The following CPA6 variants were observed in gnomAD, a reference collection of about 807,000 sequenced individuals.
CPA6 encodes carboxypeptidase A6, also known as carboxypeptidase B.
Under a neutral mutation model 63.3 loss-of-function variants are expected in CPA6, and 58 were observed. The ratio of observed to expected loss-of-function variants is 0.92; its 90% CI spans 0.74 to 1.14. CPA6 has a LOEUF of 1.14. Ranked by LOEUF, CPA6 falls within the 50% of genes most tolerant of loss-of-function variation. The probability of loss-of-function intolerance (pLI) is 0.00; values close to 1 mark genes in which losing one functional copy is unlikely to be tolerated. For synonymous variants in CPA6, 185 were observed against 179.0 expected, an observed-to-expected ratio of 1.03 and a Z score of -0.27; for missense variants, 565 against 526.6, an observed-to-expected ratio of 1.07 and a Z score of -0.71.
At chr8:67,683,530 G>T (rs1168501261) in intron 1 of CPA6, among the ~76,000 whole-genome samples, 1 of 152,008 alleles carries the variant, frequency 6.6e-6, no homozygotes, top group African/African-American at 2.4e-5. Flanking sequence ...TGACATACAA[G>T]ATCCTCTACA....
At chr8:67,606,376 AT>A (rs1814638587) in intron 2 of CPA6, among the ~76,000 whole-genome samples, 1 of 152,142 alleles carries the variant, frequency 6.6e-6, no homozygotes, top group Non-Finnish European at 1.5e-5. Flanking sequence ...AAAGAATTCC[AT>A]TTTTGATGAC....
At chr8:67,469,968 T>G (rs1031929004) in intron 8 of CPA6, among the ~76,000 whole-genome samples, 2 of 152,122 alleles carry the variant, frequency 1.3e-5, no homozygotes, top group African/African-American at 4.8e-5. Flanking sequence ...GCTCACAATG[T>G]GGCAGATAGA....
intron 2 of CPA6, among the ~76,000 whole-genome samples, chr8:67,618,389 T>C (rs777325701): frequency 1.3e-5 from 2 of 152,114 alleles, no homozygotes; most frequent in African/African-American, 4.8e-5. Context: ...GTGTATGACT[T>C]GGTAGTGCAC....
At chr8:67,530,113 C>A (rs1481336406) in intron 2 of CPA6, among the ~76,000 whole-genome samples, 3 of 150,362 alleles carry the variant, frequency 2.0e-5, no homozygotes, top group African/African-American at 7.3e-5. Context: ...AATAAAGGAA[C>A]AATTAGAAAA....
At chr8:67,577,774 CTG>C (rs991686243) in intron 2 of CPA6, among the ~76,000 whole-genome samples, 1 of 152,126 alleles carries the variant, frequency 6.6e-6, no homozygotes, top group Non-Finnish European at 1.5e-5. Flanking sequence ...TGAAGAGTAC[CTG>C]TGTGTCAGGC....
chr8:67,634,685 T>C (rs1815428519), intron 1 of CPA6, among the ~76,000 whole-genome samples: 1 of 151,274 alleles, frequency 6.6e-6, no homozygotes, highest in South Asian at 2.1e-4. Flanking sequence ...CCACTGCATA[T>C]TTTTTTTGTG....
chr8:67,438,315 T>G (rs1315719401), intron 8 of CPA6, among the ~76,000 whole-genome samples: 1 of 152,104 alleles, frequency 6.6e-6, no homozygotes, highest in Non-Finnish European at 1.5e-5. Flanking sequence ...CAAATTATAG[T>G]GAAATTTAAG....
chr8:67,568,410 TAAATG>T (rs2128975947), intron 2 of CPA6, among the ~76,000 whole-genome samples: 2 of 152,224 alleles, frequency 1.3e-5, no homozygotes, highest in South Asian at 4.2e-4. Context: ...GATAAAAAAT[TAAATG>T]AAATTCAGAA....
chr8:67,524,170 G>A (rs13271535), intron 2 of CPA6, among the ~76,000 whole-genome samples: 48,332 of 152,056 alleles, frequency 0.32, 7,803 homozygotes, highest in Middle Eastern at 0.47. Flanking sequence ...CTTTTGCTAT[G>A]GATTCTTGGA....
At chr8:67,541,004 G>T (rs1477433072) in intron 2 of CPA6, among the ~76,000 whole-genome samples, 1 of 152,154 alleles carries the variant, frequency 6.6e-6, no homozygotes, top group Non-Finnish European at 1.5e-5. Flanking sequence ...TCTTTCTGGG[G>T]AGCGAATGTT....
At chr8:67,484,164 G>A (rs1319461558) in intron 7 of CPA6, among the ~76,000 whole-genome samples, 4 of 152,100 alleles carry the variant, frequency 2.6e-5, no homozygotes, top group Non-Finnish European at 4.4e-5. Context: ...CCGCCTCCCG[G>A]GTTCACACCA....
chr8:67,506,902 C>G lies in CPA6; in HGVS notation c.535-14G>C. ...TCGTCTGCCCAGCTGAAAACAAGAGCATTCACAGTAACCAACTCAGGCTTT... is the reference window on the plus strand; with the variant it reads ...TCGTCTGCCCAGCTGAAAACAAGAGGATTCACAGTAACCAACTCAGGCTTT... On this transcript the variant is annotated splice_polypyrimidine_tract_variant and intron_variant, in intron 5 of 10. Coordinates refer to ENST00000297770, the MANE Select transcript of CPA6 (RefSeq NM_020361.5). 6.3e-7 allele frequency: 1 copy of G among 1,585,526 alleles called. No individual in the cohort carries two copies. Among genetic ancestry groups the G allele is most frequent in the Non-Finnish European group, 8.7e-7 (1 of 1,154,164 alleles).
intron 6 of CPA6, among the ~76,000 whole-genome samples, chr8:67,492,707 A>G (rs938450743): frequency 1.3e-5 from 2 of 152,168 alleles, no homozygotes; most frequent in African/African-American, 4.8e-5. Flanking sequence ...CGCCACTTTT[A>G]TAGTCTGGTG....
At chr8:67,519,301 T>C (rs1393927669) in intron 2 of CPA6, among the ~76,000 whole-genome samples, 1 of 152,118 alleles carries the variant, frequency 6.6e-6, no homozygotes, top group Non-Finnish European at 1.5e-5. Flanking sequence ...GGAGCATCAT[T>C]TCTAATTAGG....
At chr8:67,550,758 G>T (rs1812920932) in intron 2 of CPA6, among the ~76,000 whole-genome samples, 2 of 152,066 alleles carry the variant, frequency 1.3e-5, no homozygotes, top group African/African-American at 4.8e-5. Context: ...GATATCTCTG[G>T]TGGTTTTGAT....
At chr8:67,539,016 A>T (rs1812649482) in intron 2 of CPA6, among the ~76,000 whole-genome samples, 1 of 152,164 alleles carries the variant, frequency 6.6e-6, no homozygotes, top group African/African-American at 2.4e-5. Flanking sequence ...TAATGATGTT[A>T]TGTGTGAATT....
chr8:67,628,985 C>T (rs965204147), intron 1 of CPA6, among the ~76,000 whole-genome samples: 10 of 152,152 alleles, frequency 6.6e-5, no homozygotes, highest in Non-Finnish European at 1.5e-4. Flanking sequence ...TGTGGTGGCA[C>T]ATGCCTGTGG....
intron 2 of CPA6, among the ~76,000 whole-genome samples, chr8:67,551,714 T>C (rs994317814): frequency 1.3e-5 from 2 of 152,214 alleles, no homozygotes; most frequent in African/African-American, 4.8e-5. Context: ...TGTTTTGTAG[T>C]TCCTCTTGCA....
At chr8:67,489,101 GT>G (rs1295607992) in intron 6 of CPA6, among the ~76,000 whole-genome samples, 1 of 150,844 alleles carries the variant, frequency 6.6e-6, no homozygotes, top group South Asian at 2.1e-4. Flanking sequence ...GAATAGGAGT[GT>G]TTTTTTTCTT....
Sources: gnomAD v4.1 joint callset for allele counts (sites outside exome capture counted in the v4.1 genomes callset) on GRCh38, gnomAD v4.1.1 for gene constraint, MANE v1.5 for transcripts, NCBI Gene and HGNC (gene_info 2026-07-23, HGNC 2026-07-21) for gene names.